Variants in RAD51B observed in about 807,000 individuals in gnomAD.
RAD51B encodes DNA repair protein RAD51 homolog 2.
RAD51B carries 38 observed loss-of-function variants against 42.2 expected under a neutral mutation model. The observed-to-expected ratio is 0.90, with a 90% confidence interval of 0.70 to 1.18. The LOEUF (loss-of-function observed/expected upper bound fraction) is 1.18. RAD51B is among the 50% of genes most tolerant of loss of function. The probability of loss-of-function intolerance (pLI) is 0.00; values close to 1 mark genes in which losing one functional copy is unlikely to be tolerated. For missense variants in RAD51B, 373 were observed against 400.7 expected, an observed-to-expected ratio of 0.93 and a Z score of 0.59; for synonymous variants, 154 against 145.2, an observed-to-expected ratio of 1.06 and a Z score of -0.43.
intron 8 of RAD51B, chr14:68,387,249 G>A (rs1408205974): frequency 6.6e-6 from 1 of 152,182 alleles, no homozygotes; most frequent in East Asian, 1.9e-4. Context: ...GTCTCAGATG[G>A]ATAGTATCCA....
At chr14:68,174,085 T>A (rs2140864780) in intron 7 of RAD51B, among the ~76,000 whole-genome samples, 1 of 152,352 alleles carries the variant, frequency 6.6e-6, no homozygotes, top group Middle Eastern at 3.4e-3. Context: ...TCTTATCTTC[T>A]TAATGACTCT....
At chr14:68,436,497 A>C (rs552572157) in intron 9 of RAD51B, among the ~76,000 whole-genome samples, 3 of 152,268 alleles carry the variant, frequency 2.0e-5, no homozygotes, top group African/African-American at 7.2e-5. Context: ...TGCTTTGTCT[A>C]TTCAGGCTGC....
At chr14:68,013,268 A>G (rs545833952) in intron 7 of RAD51B, among the ~76,000 whole-genome samples, 1 of 152,302 alleles carries the variant, frequency 6.6e-6, no homozygotes, top group South Asian at 2.1e-4. Context: ...AAACATTTCA[A>G]AAAGAGAAAG....
At chr14:68,448,571 TA>T (rs1339693290) in intron 9 of RAD51B, among the ~76,000 whole-genome samples, 3 of 152,256 alleles carry the variant, frequency 2.0e-5, no homozygotes, top group Non-Finnish European at 4.4e-5. Flanking sequence ...AATATAACAT[TA>T]AATAAATCAT....
At chr14:68,449,404 T>G (rs896279508) in intron 9 of RAD51B, among the ~76,000 whole-genome samples, 2 of 152,256 alleles carry the variant, frequency 1.3e-5, no homozygotes, top group South Asian at 4.1e-4. Flanking sequence ...GATGCTGGTC[T>G]GGACTGAATG....
intron 8 of RAD51B, among the ~76,000 whole-genome samples, chr14:68,367,721 C>T (rs2083171987): frequency 6.6e-6 from 1 of 152,130 alleles, no homozygotes; most frequent in African/African-American, 2.4e-5. Context: ...GGTGATTAAT[C>T]GGCCCAGATA....
At chr14:68,553,083 A>G (rs183044924) in intron 10 of RAD51B, among the ~76,000 whole-genome samples, 234 of 152,282 alleles carry the variant, frequency 1.5e-3, no homozygotes, top group African/African-American at 5.5e-3. Context: ...TCTATCGCAC[A>G]TATTTGTGTT....
At chr14:68,649,176 T>C (rs964725683) in intron 10 of RAD51B, among the ~76,000 whole-genome samples, 2 of 152,212 alleles carry the variant, frequency 1.3e-5, no homozygotes, top group African/African-American at 4.8e-5. Context: ...AGCTCCAAGC[T>C]CCGAGCTCTG....
At chr14:68,665,881 G>A (rs959792881) in intron 11 of RAD51B, among the ~76,000 whole-genome samples, 3 of 152,214 alleles carry the variant, frequency 2.0e-5, no homozygotes, top group Non-Finnish European at 2.9e-5. Context: ...CCCCAACTCA[G>A]GGTGAAGCAC....
intron 8 of RAD51B, among the ~76,000 whole-genome samples, chr14:68,339,959 A>G (rs1401386945): frequency 6.6e-6 from 1 of 152,238 alleles, no homozygotes; most frequent in Non-Finnish European, 1.5e-5. Context: ...GTGACCATAT[A>G]ATGATCTTTT....
chr14:68,399,795 A>G (rs2084042361), intron 8 of RAD51B, among the ~76,000 whole-genome samples: 1 of 152,176 alleles, frequency 6.6e-6, no homozygotes, highest in Non-Finnish European at 1.5e-5. Context: ...TATTGATACA[A>G]TACTATTATA....
At chr14:68,669,233 G>A (rs1026821576) in intron 11 of RAD51B, among the ~76,000 whole-genome samples, 3 of 152,178 alleles carry the variant, frequency 2.0e-5, no homozygotes, top group Non-Finnish European at 2.9e-5. Flanking sequence ...TAATCCCTCC[G>A]GAAATAAGCA....
intron 10 of RAD51B, among the ~76,000 whole-genome samples, chr14:68,530,531 G>C (rs555385084): frequency 6.7e-6 from 1 of 148,730 alleles, no homozygotes; most frequent in South Asian, 2.2e-4. Context: ...ATAAAGGAAT[G>C]ATAGCTGCAT....
At chr14:67,920,361 A>C (rs1274755061) in intron 7 of RAD51B, among the ~76,000 whole-genome samples, 1 of 152,124 alleles carries the variant, frequency 6.6e-6, no homozygotes, top group Non-Finnish European at 1.5e-5. Flanking sequence ...TTACTGTTTA[A>C]AGAATGTTGC....
intron 7 of RAD51B, among the ~76,000 whole-genome samples, chr14:68,053,404 C>G (rs1260896602): frequency 6.6e-6 from 1 of 152,108 alleles, no homozygotes; most frequent in East Asian, 1.9e-4. Flanking sequence ...ATGTATGGGT[C>G]AAACAGAACC....
At chr14:67,841,258 C>T (rs1209085175) in intron 4 of RAD51B, among the ~76,000 whole-genome samples, 1 of 152,100 alleles carries the variant, frequency 6.6e-6, no homozygotes, top group Non-Finnish European at 1.5e-5. Context: ...TGTCCTTTAC[C>T]CACTTTTAAT....
chr14:68,120,202 G>A (rs1460772712), intron 7 of RAD51B, among the ~76,000 whole-genome samples: 1 of 151,856 alleles, frequency 6.6e-6, no homozygotes, highest in African/African-American at 2.4e-5. Flanking sequence ...TGAGTTCATT[G>A]TAGATTCTGG....
chr14:68,166,424 C>T lies in RAD51B; in HGVS notation c.757-125460C>T, dbSNP rs138990643. ...TTTAAGAATTATTTGCCAAATTTAA[C>T]TCTTTTTCTCTTTTAATTAGACCCA... On this transcript the variant is annotated intron_variant, in intron 7 of 10. Transcript: ENST00000471583. Among the ~76,000 whole-genome samples the T allele has an allele frequency of 2.1e-4, 32 of 152,028 alleles. No homozygotes were observed. In the East Asian group the frequency reaches 6.0e-3, roughly 28 times the overall value.
chr14:68,311,001 C>A (rs1033282428), intron 8 of RAD51B, among the ~76,000 whole-genome samples: 1 of 152,076 alleles, frequency 6.6e-6, no homozygotes, highest in East Asian at 1.9e-4. Context: ...CTCTCCAGAA[C>A]GTTTTTGTGA....
Sources: gnomAD v4.1 joint callset for allele counts (sites outside exome capture counted in the v4.1 genomes callset) on GRCh38, gnomAD v4.1.1 for gene constraint, MANE v1.5 for transcripts, NCBI Gene and HGNC (gene_info 2026-07-23, HGNC 2026-07-21) for gene names.